The following CTNNA2 variants were observed in gnomAD, a reference collection of about 807,000 sequenced individuals.
CTNNA2 encodes the protein catenin alpha-2.
A neutral mutation model predicts 101.0 loss-of-function variants in CTNNA2; 42 were observed. The ratio of observed to expected loss-of-function variants is 0.42; its 90% CI spans 0.32 to 0.54. The LOEUF is 0.54. Among genes scored for constraint, CTNNA2 ranks in the 20% least tolerant of loss-of-function variants. CTNNA2 has a pLI of 0.14. For synonymous variants in CTNNA2, 450 were observed against 456.4 expected (o/e 0.99, Z 0.18); for missense variants, 871 against 1,223.1 (o/e 0.71, Z 4.29).
chr2:80,229,135 C>CT (rs1457041458), intron 7 of CTNNA2, among the ~76,000 whole-genome samples: 1 of 152,122 alleles, frequency 6.6e-6, no homozygotes, highest in Non-Finnish European at 1.5e-5. Flanking sequence ...AAATGAAACT[C>CT]TTTTTTCCTG....
At chr2:79,353,030 A>G (rs10183790) in intron 3 of CTNNA2, among the ~76,000 whole-genome samples, 116,940 of 151,990 alleles carry the variant, frequency 0.77, 45,283 homozygotes, top group East Asian at 0.96. Flanking sequence ...AGCACTAGGG[A>G]GATGGTGCTG....
At chr2:79,718,188 T>C (rs1244895658) in intron 2 of CTNNA2, among the ~76,000 whole-genome samples, 1 of 152,196 alleles carries the variant, frequency 6.6e-6, no homozygotes, top group African/African-American at 2.4e-5. Flanking sequence ...TCCTCTTTGA[T>C]ACGACTTTTA....
intron 1 of CTNNA2, among the ~76,000 whole-genome samples, chr2:79,186,798 C>A (rs1257265124): frequency 6.6e-6 from 1 of 152,166 alleles, no homozygotes; most frequent in Non-Finnish European, 1.5e-5. Context: ...ATCAGAGAGA[C>A]AAAACTTCAC....
chr2:79,466,856 C>T (rs190932995), intron 4 of CTNNA2, among the ~76,000 whole-genome samples: 217 of 152,290 alleles, frequency 1.4e-3, no homozygotes, highest in African/African-American at 4.8e-3. Flanking sequence ...GAAAGGACAT[C>T]CATACCAAAA....
At chr2:80,360,921 GTTTA>G (rs1476352142) in intron 7 of CTNNA2, among the ~76,000 whole-genome samples, 1 of 151,064 alleles carries the variant, frequency 6.6e-6, no homozygotes, top group Admixed American at 6.6e-5. Context: ...ATTAATTTGT[GTTTA>G]TTATTATTAA....
At chr2:79,251,888 T>C (rs1399529636) in intron 2 of CTNNA2, among the ~76,000 whole-genome samples, 2 of 152,216 alleles carry the variant, frequency 1.3e-5, no homozygotes, top group African/African-American at 4.8e-5. Flanking sequence ...GATAATTTGT[T>C]ATACAGCAAT....
At chr2:79,977,759 C>T (rs1040701351) in intron 7 of CTNNA2, among the ~76,000 whole-genome samples, 3 of 152,128 alleles carry the variant, frequency 2.0e-5, no homozygotes, top group Non-Finnish European at 4.4e-5. Context: ...CCCTCCCCCT[C>T]TTTTTCTTTA....
intron 4 of CTNNA2, among the ~76,000 whole-genome samples, chr2:79,457,899 G>A (rs769409671): frequency 1.3e-5 from 2 of 152,152 alleles, no homozygotes; most frequent in African/African-American, 2.4e-5. Flanking sequence ...ACTTAAAAGG[G>A]TCTGAAGCAT....
At chr2:80,637,727 C>T (rs1336151438) in intron 18 of CTNNA2, among the ~76,000 whole-genome samples, 2 of 152,102 alleles carry the variant, frequency 1.3e-5, no homozygotes, top group Non-Finnish European at 2.9e-5. Context: ...TAGAACATAG[C>T]TCCTAGGGCT....
chr2:80,369,510 G>A (rs949501836), intron 7 of CTNNA2, among the ~76,000 whole-genome samples: 1 of 152,098 alleles, frequency 6.6e-6, no homozygotes, highest in African/African-American at 2.4e-5. Flanking sequence ...CAGAAAAATG[G>A]CTCTCAAAGG....
intron 2 of CTNNA2, among the ~76,000 whole-genome samples, chr2:79,653,679 C>A (rs967297614): frequency 6.6e-6 from 1 of 152,110 alleles, no homozygotes; most frequent in Non-Finnish European, 1.5e-5. Context: ...AGTCTTCATA[C>A]GTTGAGAATT....
chr2:80,410,180 C>A (rs1368848577), intron 8 of CTNNA2, among the ~76,000 whole-genome samples: 2 of 152,188 alleles, frequency 1.3e-5, no homozygotes, highest in African/African-American at 4.8e-5. Flanking sequence ...GTACAGCATA[C>A]ACTCCTCATA....
intron 8 of CTNNA2, among the ~76,000 whole-genome samples, chr2:80,401,038 G>A (rs1678502322): frequency 6.6e-6 from 1 of 152,166 alleles, no homozygotes. Flanking sequence ...TAGCTTAAAT[G>A]TCACCTTATC....
chr2:79,470,370 G>A (rs1170085325), intron 4 of CTNNA2, among the ~76,000 whole-genome samples: 3 of 152,060 alleles, frequency 2.0e-5, no homozygotes, highest in Non-Finnish European at 4.4e-5. Flanking sequence ...AGCTTTTCTC[G>A]ATAAAACTGT....
At chr2:80,548,865 T>C (rs1420939068) in intron 11 of CTNNA2, among the ~76,000 whole-genome samples, 1 of 152,186 alleles carries the variant, frequency 6.6e-6, no homozygotes, top group Admixed American at 6.5e-5. Flanking sequence ...GCCCAAGAGA[T>C]ATTTTGAAGT....
intron 4 of CTNNA2, among the ~76,000 whole-genome samples, chr2:79,479,671 C>T (rs551147385): frequency 6.6e-6 from 1 of 152,162 alleles, no homozygotes; most frequent in South Asian, 2.1e-4. Context: ...ACTTGTAATC[C>T]TAGCACTTTG....
At chr2:79,399,382 A>G (rs988651014) in intron 4 of CTNNA2, among the ~76,000 whole-genome samples, 2 of 152,126 alleles carry the variant, frequency 1.3e-5, no homozygotes, top group African/African-American at 4.8e-5. Flanking sequence ...ATCAGACCTT[A>G]AGGCTGTAGA....
chr2:80,284,314 T>G, intron 7 of CTNNA2, among the ~76,000 whole-genome samples: 1 of 152,108 alleles, frequency 6.6e-6, no homozygotes, highest in Non-Finnish European at 1.5e-5. Context: ...GGCCAATCAA[T>G]TTTAAAGTAG....
chr2:79,735,171 T>C (rs1339904860), intron 2 of CTNNA2, among the ~76,000 whole-genome samples: 1 of 152,160 alleles, frequency 6.6e-6, no homozygotes, highest in Non-Finnish European at 1.5e-5. Context: ...CCATACTCTC[T>C]GGAGGTTACC....
Sources: gnomAD v4.1 joint callset for allele counts (sites outside exome capture counted in the v4.1 genomes callset) on GRCh38, gnomAD v4.1.1 for gene constraint, MANE v1.5 for transcripts, NCBI Gene and HGNC (gene_info 2026-07-23, HGNC 2026-07-21) for gene names.